RIBC2: variants seen among roughly 807,000 people sequenced by gnomAD.
RIBC2 encodes the protein RIB43A domain with coiled-coils 2, also known as RIB43A-like with coiled-coils protein 2.
In RIBC2, 40 loss-of-function variants were observed where a neutral mutation model predicts 44.3. That is an observed-to-expected ratio of 0.90 (90% CI 0.70 to 1.18). The LOEUF (loss-of-function observed/expected upper bound fraction) is 1.18. RIBC2 is among the 50% of genes most tolerant of loss of function. The probability of loss-of-function intolerance (pLI) is 0.00; values close to 1 mark genes in which losing one functional copy is unlikely to be tolerated. For synonymous variants in RIBC2, 171 were observed against 175.0 expected (o/e 0.98, Z 0.18); for missense variants, 459 against 485.5 (o/e 0.95, Z 0.51).
At chr22:45,432,078 C>T (rs1296382463) in intron 6 of RIBC2, among the ~76,000 whole-genome samples, 1 of 152,190 alleles carries the variant, frequency 6.6e-6, no homozygotes, top group African/African-American at 2.4e-5. Flanking sequence ...CCTAATCTAA[C>T]TGCAGTGTAA....
intron 5 of RIBC2, among the ~76,000 whole-genome samples, chr22:45,427,450 T>G (rs1431698468): frequency 6.6e-6 from 1 of 152,224 alleles, no homozygotes; most frequent in Non-Finnish European, 1.5e-5. Context: ...GGAAATGCGT[T>G]TATTCCAGAC....
chr22:45,417,437 T>A (rs1044543569), intron 2 of RIBC2, among the ~76,000 whole-genome samples, 165 bp from the exon 3 acceptor site: 1 of 152,088 alleles, frequency 6.6e-6, no homozygotes, highest in African/African-American at 2.4e-5. Flanking sequence ...ATAATCCCAG[T>A]GACTCAGGAG....
At chr22:45,430,409 C>G (rs1235084616) in intron 5 of RIBC2, among the ~76,000 whole-genome samples, 1 of 152,144 alleles carries the variant, frequency 6.6e-6, no homozygotes, top group Non-Finnish European at 1.5e-5. Context: ...TTGGGGTGCC[C>G]CTCTAGGACC....
intron 3 of RIBC2, among the ~76,000 whole-genome samples, chr22:45,418,469 T>C (rs1341043989): frequency 1.3e-5 from 2 of 152,184 alleles, no homozygotes; most frequent in Non-Finnish European, 2.9e-5. Context: ...TTGAGGGAAC[T>C]GCAGAAAGCC....
At chr22:45,430,273 C>G (rs8135103) in intron 5 of RIBC2, among the ~76,000 whole-genome samples, 5,226 of 152,290 alleles carry the variant, frequency 0.034, 301 homozygotes, top group African/African-American at 0.12. Flanking sequence ...TCAGCCCTAA[C>G]AAAGCTGACA....
At chr22:45,421,852 A>G (rs977287304) in intron 3 of RIBC2, among the ~76,000 whole-genome samples, 12 of 151,876 alleles carry the variant, frequency 7.9e-5, no homozygotes, top group Admixed American at 2.6e-4. Context: ...ACTCCACAGT[A>G]TCTGTCATCT....
chr22:45,432,075 T>C (rs1388548193), intron 6 of RIBC2, among the ~76,000 whole-genome samples: 1 of 152,220 alleles, frequency 6.6e-6, no homozygotes, highest in Non-Finnish European at 1.5e-5. Context: ...GTCCCTAATC[T>C]AACTGCAGTG....
intron 3 of RIBC2, among the ~76,000 whole-genome samples, chr22:45,420,540 C>G (rs1248469532): frequency 6.6e-6 from 1 of 152,192 alleles, no homozygotes. Flanking sequence ...CTTCAGCAGT[C>G]TCCTTGACAT....
chr22:45,416,783 C>A (rs1219530095), intron 2 of RIBC2, among the ~76,000 whole-genome samples: 1 of 151,798 alleles, frequency 6.6e-6, no homozygotes, highest in Non-Finnish European at 1.5e-5. Flanking sequence ...CTTGTTTCCC[C>A]ACATCCTTAC....
chr22:45,431,116 C>G, intron 6 of RIBC2, 50 bp downstream of exon 6: 5 of 1,545,586 alleles, frequency 3.2e-6, no homozygotes, highest in Non-Finnish European at 4.4e-6. Flanking sequence ...GTGGAGGGAC[C>G]GCGGGGCTGT....
At chr22:45,429,757 C>T (rs1238718552) in intron 5 of RIBC2, among the ~76,000 whole-genome samples, 4 of 152,240 alleles carry the variant, frequency 2.6e-5, no homozygotes, top group Non-Finnish European at 1.5e-5. Context: ...CACAGGAGAT[C>T]GGCCGGCCAT....
In RIBC2 at chr22:45,422,349, C is replaced by G. The variant is rs112416010; in HGVS notation, c.616C>G (p.Leu206Val). 15 of 1,614,220 alleles carry G rather than the reference C, an allele frequency of 9.3e-6. No individual in the cohort carries two copies. The highest frequency in any genetic ancestry group is 6.7e-5 in the African/African-American group (5 of 75,046). The change falls in exon 4 of 7, where the codon CTG becomes GTG. Residue 206 changes from leucine to valine, a missense_variant. Leu to Val is a conservative substitution (Grantham distance 32). Transcript: ENST00000614167. ...CGAGACAGCCAAGCACCTCCAGAAGCTGGAAAGCACCACCAGAAAGGCAGT... is the reference window on the plus strand; with the variant it reads ...CGAGACAGCCAAGCACCTCCAGAAGGTGGAAAGCACCACCAGAAAGGCAGT... ...FDETAKHLQK[L>V]ESTTRKAVCA...
At chr22:45,420,756 T>G (rs1266633001) in intron 3 of RIBC2, among the ~76,000 whole-genome samples, 2 of 152,234 alleles carry the variant, frequency 1.3e-5, no homozygotes, top group African/African-American at 4.8e-5. Context: ...AACTGTCCGC[T>G]TGTCCCCATC....
In RIBC2 at chr22:45,426,101, C is replaced by A. The variant is rs369101816; in HGVS notation, c.829C>A (p.Arg277Ser). Residue 277 changes from arginine to serine, a missense_variant, in exon 5 of 7, where the codon CGC becomes AGC. Coordinates refer to ENST00000614167, the MANE Select transcript of RIBC2 (RefSeq NM_015653.5). ...CGGGCCCCACCGCGTGGTCCCTGAC[C>A]GCTGGAAGGGCATGACCCAGGAGCA... The part of the protein sequence containing the change: ...SFGPHRVVPD[R>S]WKGMTQEQLE... 6.2e-6 allele frequency: 10 copies of A among 1,614,024 alleles called. No individual in the cohort carries two copies. Among genetic ancestry groups the A allele is most frequent in the Non-Finnish European group, 8.5e-6 (10 of 1,180,030 alleles).
intron 5 of RIBC2, among the ~76,000 whole-genome samples, chr22:45,427,845 G>A (rs2087547588): frequency 2.6e-5 from 4 of 152,288 alleles, no homozygotes; most frequent in South Asian, 2.1e-4. Flanking sequence ...ATGTTGGCCA[G>A]GCTGGTCTCA....
At chr22:45,422,197 A>G (rs1173237354) in intron 3 of RIBC2, 93 bp from the exon 4 acceptor site, 1 of 816,060 alleles carries the variant, frequency 1.2e-6, no homozygotes, top group African/African-American at 1.7e-5. Flanking sequence ...GCTCATGGCT[A>G]AGGACGTGGT....
intron 3 of RIBC2, among the ~76,000 whole-genome samples, chr22:45,418,765 C>G (rs1285704786): frequency 6.6e-6 from 1 of 151,956 alleles, no homozygotes; most frequent in Non-Finnish European, 1.5e-5. Context: ...CATCCTCCTC[C>G]AAGCCTCTTC....
intron 4 of RIBC2, 85 bp from the exon 5 acceptor site, chr22:45,425,863 G>C: frequency 8.7e-7 from 1 of 1,154,810 alleles, no homozygotes; most frequent in Non-Finnish European, 1.3e-6. Flanking sequence ...CCCCTCGAGG[G>C]CCCCCAGTGA....
intron 2 of RIBC2, among the ~76,000 whole-genome samples, chr22:45,416,956 C>T (rs1209179482): frequency 7.0e-6 from 1 of 142,486 alleles, no homozygotes; most frequent in Non-Finnish European, 1.5e-5. Flanking sequence ...GCCTGGAATG[C>T]AGCGGCGTGA....
Sources: allele counts gnomAD v4.1 joint callset (sites outside exome capture counted in the v4.1 genomes callset), GRCh38; gene constraint gnomAD v4.1.1; transcripts MANE v1.5; gene names NCBI Gene and HGNC (gene_info 2026-07-23, HGNC 2026-07-21).